The following SOX6 variants were observed in gnomAD, a reference collection of about 807,000 sequenced individuals.
The protein encoded by SOX6 is SRY-box transcription factor 6.
SOX6 carries 11 observed loss-of-function variants against 97.8 expected under a neutral mutation model. The observed-to-expected ratio is 0.11, with a 90% confidence interval of 0.07 to 0.19. SOX6 has a LOEUF of 0.19. Among genes scored for constraint, SOX6 ranks in the 10% least tolerant of loss-of-function variants. The pLI, the probability that SOX6 is intolerant of heterozygous loss-of-function variation, is 1.00. For missense variants in SOX6, 810 were observed against 1,039.5 expected, an observed-to-expected ratio of 0.78 and a Z score of 3.04; for synonymous variants, 360 against 371.4, an observed-to-expected ratio of 0.97 and a Z score of 0.35.
At chr11:16,391,427 A>T (rs561223650) in intron 1 of SOX6, among the ~76,000 whole-genome samples, 23 of 152,302 alleles carry the variant, frequency 1.5e-4, no homozygotes, top group African/African-American at 5.3e-4. Context: ...TCATTAGTTT[A>T]TGTGTCTGTC....
chr11:16,178,995 T>C (rs1461290448), intron 6 of SOX6, among the ~76,000 whole-genome samples: 1 of 151,968 alleles, frequency 6.6e-6, no homozygotes, highest in East Asian at 1.9e-4. Context: ...AATATATATC[T>C]ATTATTATTA....
chr11:16,451,259 C>A (rs1057391228), intron 1 of SOX6, among the ~76,000 whole-genome samples: 8 of 151,944 alleles, frequency 5.3e-5, no homozygotes, highest in Non-Finnish European at 8.8e-5. Flanking sequence ...GAGGGGAGAA[C>A]TTTCTCTGAG....
intron 6 of SOX6, 55 bp from the exon 7 acceptor site, chr11:16,111,978 G>A: frequency 1.2e-6 from 2 of 1,609,062 alleles, no homozygotes; most frequent in Non-Finnish European, 1.7e-6. Context: ...ATGCCAAGAA[G>A]AATTTGTTTT....
At chr11:16,465,857 A>G (rs1860019870) in intron 1 of SOX6, 1 of 152,214 alleles carries the variant, frequency 6.6e-6, no homozygotes, top group Admixed American at 6.5e-5. Flanking sequence ...TACAGTTTGT[A>G]TCCAAAGAAA....
intron 1 of SOX6, among the ~76,000 whole-genome samples, chr11:16,371,099 T>A (rs1309233316): frequency 2.0e-5 from 3 of 152,156 alleles, no homozygotes; most frequent in African/African-American, 7.2e-5. Context: ...CACATTCCTA[T>A]TTAACCCGGC....
At chr11:15,993,408 C>T (rs4757379) in intron 13 of SOX6, among the ~76,000 whole-genome samples, 64,007 of 151,938 alleles carry the variant, frequency 0.42, 13,890 homozygotes, top group East Asian at 0.62. Context: ...CTCCTTTTAA[C>T]AGCAGAGGGG....
At chr11:16,690,136 G>C (rs1028843545) in intron 3 of SOX6, among the ~76,000 whole-genome samples, 5 of 152,234 alleles carry the variant, frequency 3.3e-5, no homozygotes, top group Admixed American at 6.5e-5. Flanking sequence ...TGTTGGCCAG[G>C]TTGTTCTCAA....
At chr11:16,390,139 G>A (rs1041788695) in intron 1 of SOX6, among the ~76,000 whole-genome samples, 1 of 151,702 alleles carries the variant, frequency 6.6e-6, no homozygotes, top group African/African-American at 2.4e-5. Context: ...ATCAGTCAGA[G>A]ATTTGTAATA....
chr11:16,337,198 C>CA (rs1402306383), intron 2 of SOX6, among the ~76,000 whole-genome samples: 1 of 151,260 alleles, frequency 6.6e-6, no homozygotes, highest in Non-Finnish European at 1.5e-5. Flanking sequence ...TACTCTAAAG[C>CA]AAAAGAAAAA....
chr11:16,480,232 A>G (rs1256498447), upstream of SOX6, among the ~76,000 whole-genome samples: 1 of 152,132 alleles, frequency 6.6e-6, no homozygotes, highest in Admixed American at 6.6e-5. Context: ...TATTACCCTT[A>G]TGGTTTGATA....
chr11:16,246,984 G>A (rs960177942), intron 3 of SOX6, among the ~76,000 whole-genome samples: 1 of 151,988 alleles, frequency 6.6e-6, no homozygotes, highest in African/African-American at 2.4e-5. Context: ...AAACCCTCCT[G>A]TGATACCAAA....
rs1447185564 is a variant in SOX6, at chr11:16,130,556, A to T, written c.778-18633T>A. 5.9e-5 allele frequency among the ~76,000 whole-genome samples: 9 copies of T among 152,014 alleles called. No homozygotes were observed. In the South Asian group the frequency reaches 1.7e-3, roughly 28 times the overall value. On this transcript the variant is annotated intron_variant, in intron 6 of 15. Transcript: ENST00000683767. ...ATGGAATGAAAGACTCAATAGTGTT[A>T]AGACAGCAAGTCTCCTCAAACTGAT...
chr11:16,361,740 G>A (rs1857216608), intron 1 of SOX6, among the ~76,000 whole-genome samples: 1 of 152,134 alleles, frequency 6.6e-6, no homozygotes, highest in Non-Finnish European at 1.5e-5. Context: ...GCCTGATGAA[G>A]ATAGCAAGGA....
intron 1 of SOX6, among the ~76,000 whole-genome samples, chr11:16,462,233 TGCTATTAACTTGCAA>T (rs1225010632): frequency 3.9e-5 from 6 of 152,384 alleles, no homozygotes; most frequent in African/African-American, 1.4e-4. Context: ...CTTCTCACTA[TGCTATTAACTTGCAA>T]GCAGGCCAGC....
intron 9 of SOX6, among the ~76,000 whole-genome samples, chr11:16,092,114 G>T (rs909127866): frequency 5.3e-5 from 8 of 151,922 alleles, no homozygotes; most frequent in Non-Finnish European, 1.5e-5. Context: ...ACATCTTCCT[G>T]CTGACAAACA....
chr11:16,275,713 G>A (rs946013359), intron 3 of SOX6, among the ~76,000 whole-genome samples: 2 of 152,160 alleles, frequency 1.3e-5, no homozygotes, highest in Non-Finnish European at 2.9e-5. Flanking sequence ...GTTGGAATTG[G>A]AGTAGCAACT....
intron 4 of SOX6, among the ~76,000 whole-genome samples, chr11:16,492,255 T>C (rs1860524496): frequency 6.6e-6 from 1 of 152,178 alleles, no homozygotes; most frequent in Admixed American, 6.5e-5. Flanking sequence ...AAAGATGCCA[T>C]TGGTGCTGCT....
At chr11:16,265,804 A>G (rs1435278824) in intron 3 of SOX6, among the ~76,000 whole-genome samples, 3 of 151,914 alleles carry the variant, frequency 2.0e-5, no homozygotes, top group Non-Finnish European at 4.4e-5. Context: ...AATGTCTGAA[A>G]TGAAAAACAT....
intron 1 of SOX6, among the ~76,000 whole-genome samples, chr11:16,366,029 A>G (rs1192863969): frequency 6.6e-6 from 1 of 152,268 alleles, no homozygotes; most frequent in South Asian, 2.1e-4. Context: ...TGGAAATCAC[A>G]ACCAGCCATA....
Sources: gnomAD v4.1 joint callset for allele counts (sites outside exome capture counted in the v4.1 genomes callset) on GRCh38, gnomAD v4.1.1 for gene constraint, MANE v1.5 for transcripts, NCBI Gene and HGNC (gene_info 2026-07-23, HGNC 2026-07-21) for gene names.